Variants in AGBL2 observed in about 807,000 individuals in gnomAD.
AGBL2 encodes the protein cytosolic carboxypeptidase 2.
AGBL2 carries 87 observed loss-of-function variants against 103.0 expected under a neutral mutation model. That is an observed-to-expected ratio of 0.84 (90% CI 0.71 to 1.01). The LOEUF is 1.01. Among genes scored for constraint, AGBL2 ranks in the 50% least tolerant of loss-of-function variants. AGBL2 has a pLI of 0.00. For missense variants in AGBL2, 904 were observed against 1,023.5 expected (o/e 0.88, Z 1.59); for synonymous variants, 335 against 356.7 (o/e 0.94, Z 0.69).
intron 15 of AGBL2, among the ~76,000 whole-genome samples, chr11:47,667,948 C>A (rs2097345784): frequency 6.6e-6 from 1 of 152,182 alleles, no homozygotes; most frequent in Admixed American, 6.5e-5. Context: ...GTGGCTCATG[C>A]CTGTAATCCC....
chr11:47,669,906 C>T (rs990165195), intron 14 of AGBL2, among the ~76,000 whole-genome samples: 4 of 152,132 alleles, frequency 2.6e-5, no homozygotes, highest in Non-Finnish European at 4.4e-5. Flanking sequence ...CCACTGTACC[C>T]GGTACCCAAA....
chr11:47,683,330 G>A (rs1210061659), intron 11 of AGBL2, among the ~76,000 whole-genome samples: 2 of 151,920 alleles, frequency 1.3e-5, no homozygotes, highest in African/African-American at 4.8e-5. Flanking sequence ...CTGAGATCGT[G>A]CCACTGACTC....
At chr11:47,704,103 G>GTAAATAAA (rs562909790) in intron 7 of AGBL2, among the ~76,000 whole-genome samples, 27 of 150,834 alleles carry the variant, frequency 1.8e-4, no homozygotes, top group Admixed American at 9.9e-4. Flanking sequence ...CTCTGTCTCA[G>GTAAATAAA]TAAATAAATA....
At chr11:47,706,411 G>C (rs1208017673) in intron 4 of AGBL2, among the ~76,000 whole-genome samples, 1 of 152,174 alleles carries the variant, frequency 6.6e-6, no homozygotes, top group African/African-American at 2.4e-5. Flanking sequence ...AGCTACTCGA[G>C]AGGCTGAGGC....
In AGBL2 at chr11:47,660,072, A is replaced by G. The variant is rs931399778; in HGVS notation, c.*101T>C. On this transcript the variant is annotated 3_prime_UTR_variant, in exon 19 of 19. Transcript: ENST00000525123. ...GCATGAGTGCACAACACAGTATACC[A>G]CAAGTAAATGCAGTTCCCAGTCATA... 16 of 1,328,744 alleles carry G rather than the reference A, an allele frequency of 1.2e-5. No homozygotes were observed. The highest frequency in any genetic ancestry group is 1.2e-4 in the African/African-American group (8 of 68,234). The allele number at this position is 1,328,744 out of a possible 1,614,324, so 82.3% of individuals were successfully genotyped here. A position where few individuals can be genotyped will look rare whatever the true frequency, so the allele number is the denominator to read the frequency against.
At chr11:47,713,987 A>G (rs2097543137) in intron 3 of AGBL2, 1 of 300,910 alleles carries the variant, frequency 3.3e-6, no homozygotes, top group African/African-American at 2.1e-5. Context: ...GATAAAGACT[A>G]TTTTAATGCC....
chr11:47,685,225 G>A (rs1319452426), intron 11 of AGBL2, among the ~76,000 whole-genome samples: 1 of 151,996 alleles, frequency 6.6e-6, no homozygotes, highest in Admixed American at 6.6e-5. Flanking sequence ...AAATAAAAAA[G>A]GATACCACAT....
At chr11:47,674,327 C>T (rs540326200) in intron 14 of AGBL2, among the ~76,000 whole-genome samples, 2 of 151,892 alleles carry the variant, frequency 1.3e-5, no homozygotes, top group Non-Finnish European at 2.9e-5. Context: ...TTTGGGAGGC[C>T]GAGGTGGGCA....
chr11:47,714,716 A>G lies in AGBL2; in HGVS notation c.-66T>C, dbSNP rs2097545213. 2 of 1,483,166 alleles carry G rather than the reference A, an allele frequency of 1.3e-6. No homozygotes were observed. The highest frequency in any genetic ancestry group is 1.7e-5 in the Admixed American group (1 of 59,724). The allele number at this position is 1,483,166 out of a possible 1,614,324, so 91.9% of individuals were successfully genotyped here. A position where few individuals can be genotyped will look rare whatever the true frequency, so the allele number is the denominator to read the frequency against. The stretch of plus-strand genomic sequence containing the variant: ...TAGCATCCAGTCGCAAACCCTGCCC[A>G]ATTTCCAAATAGGCAGCTGATTACA... On this transcript the variant is annotated 5_prime_UTR_variant, in exon 2 of 19. Transcript: ENST00000525123.
At position 47,659,990 on chromosome 11, in the gene AGBL2, A is replaced by C. The variant is rs987811094; in HGVS notation, c.*183T>G. On this transcript the variant is annotated 3_prime_UTR_variant, in exon 19 of 19. Transcript: ENST00000525123. ...ATTTTATGAAAAAATAGTTGAATTCATGAGGTATGCATCTTGACCACATGC... is the reference window on the plus strand; with the variant it reads ...ATTTTATGAAAAAATAGTTGAATTCCTGAGGTATGCATCTTGACCACATGC... The C allele has an allele frequency of 1.5e-5, 7 of 482,030 alleles. No homozygotes were observed. Among genetic ancestry groups the C allele is most frequent in the African/African-American group, 1.2e-4 (6 of 50,082 alleles). 29.9% of individuals were successfully genotyped at this position (482,030 alleles called of 1,614,324 possible). A position where few individuals can be genotyped will look rare whatever the true frequency, so the allele number is the denominator to read the frequency against.
chr11:47,694,973 A>AC, intron 8 of AGBL2, among the ~76,000 whole-genome samples: 1 of 151,564 alleles, frequency 6.6e-6, no homozygotes, highest in Middle Eastern at 3.4e-3. Flanking sequence ...ACATGGTGAA[A>AC]CCCAGTGTCT....
intron 18 of AGBL2, 128 bp downstream of exon 18, chr11:47,662,898 C>A (rs6485766): frequency 1 from 789,562 of 790,504 alleles, 394,316 homozygotes; most frequent in Middle Eastern, 1. Context: ...TGTTCACCTG[C>A]GCAGAACGAA....
At chr11:47,713,778 A>G (rs1359302013) in intron 3 of AGBL2, among the ~76,000 whole-genome samples, 2 of 151,194 alleles carry the variant, frequency 1.3e-5, no homozygotes, top group Non-Finnish European at 2.9e-5. Context: ...TTTAGTAGAG[A>G]CGGGGTTTCA....
Position 47,678,343 on chromosome 11 carries a change from A to ATTATTTTTTTTTTTTTTTTTTTTTTT in AGBL2, c.2017-943_2017-942insAAAAAAAAAAAAAAAAAAAAAAATAA, listed in dbSNP as rs2097385523. Among the ~76,000 whole-genome samples the ATTATTTTTTTTTTTTTTTTTTTTTTT allele has an allele frequency of 5.4e-4, 63 of 116,802 alleles. 2 individuals carry two copies. Among genetic ancestry groups the ATTATTTTTTTTTTTTTTTTTTTTTTT allele is most frequent in the South Asian group, 2.2e-3 (6 of 2,778 alleles). 76.6% of individuals were successfully genotyped at this position (116,802 alleles called of 152,430 possible). A position where few individuals can be genotyped will look rare whatever the true frequency, so the allele number is the denominator to read the frequency against. On this transcript the variant is annotated intron_variant, in intron 13 of 18. Transcript: ENST00000525123. ...TTATTTTATTTTATTTTATTATTTT[A>ATTATTTTTTTTTTTTTTTTTTTTTTT]TTTTTTTTGAGACGGAGTCTTGCTC...
rs563969184 is a variant in AGBL2, at chr11:47,686,447, G to GTTT, written c.1632-401_1632-399dup. Among the ~76,000 whole-genome samples the GTTT allele has an allele frequency of 2.3e-3, 241 of 105,018 alleles. 1 individual carries two copies. The highest frequency in any genetic ancestry group is 2.7e-3 in the Non-Finnish European group (141 of 52,890). The allele number at this position is 105,018 out of a possible 152,430, so 68.9% of individuals were successfully genotyped here. On this transcript the variant is annotated intron_variant, in intron 10 of 18. Transcript: ENST00000525123. ...ATACACCCAGCTATTTTTGTTTCTG[G>GTTT]TTTTTTTTTTTTTTTTTTTTTTGTA...
At position 47,659,981 on chromosome 11, in the gene AGBL2, G is replaced by T; in HGVS notation, c.*192C>A. 1 of 461,368 alleles carries T rather than the reference G, an allele frequency of 2.2e-6. No homozygotes were observed. Among genetic ancestry groups the T allele is most frequent in the Non-Finnish European group, 3.6e-6 (1 of 274,886 alleles). The allele number at this position is 461,368 out of a possible 1,614,324, so 28.6% of individuals were successfully genotyped here. ...TAAAATTTCATTTTATGAAAAAATA[G>T]TTGAATTCATGAGGTATGCATCTTG... On this transcript the variant is annotated 3_prime_UTR_variant, in exon 19 of 19. Transcript: ENST00000525123.
In AGBL2 at chr11:47,660,015, C is replaced by T; in HGVS notation, c.*158G>A. 1 of 635,652 alleles carries T rather than the reference C, an allele frequency of 1.6e-6. No homozygotes were observed. Among genetic ancestry groups the T allele is most frequent in the African/African-American group, 1.9e-5 (1 of 53,136 alleles). The allele number at this position is 635,652 out of a possible 1,614,324, so 39.4% of individuals were successfully genotyped here. A position where few individuals can be genotyped will look rare whatever the true frequency, so the allele number is the denominator to read the frequency against. On this transcript the variant is annotated 3_prime_UTR_variant, in exon 19 of 19. Coordinates refer to ENST00000525123, the MANE Select transcript of AGBL2 (RefSeq NM_024783.4). ...ATGAGGTATGCATCTTGACCACATG[C>T]CCACAGTGTAAGTACAAAGTGTAAG...
intron 14 of AGBL2, among the ~76,000 whole-genome samples, chr11:47,674,143 G>A (rs1337717218): frequency 7.2e-5 from 11 of 152,036 alleles, no homozygotes; most frequent in African/African-American, 2.4e-4. Flanking sequence ...AAATGATACA[G>A]AATGACAGAG....
At chr11:47,714,500 G>C in intron 2 of AGBL2, 118 bp downstream of exon 2, 4 of 1,367,440 alleles carry the variant, frequency 2.9e-6, no homozygotes, top group Non-Finnish European at 4.2e-6. Flanking sequence ...AAGATCTCCA[G>C]CTGAGAAAAG....
Sources: allele counts gnomAD v4.1 joint callset (sites outside exome capture counted in the v4.1 genomes callset), GRCh38; gene constraint gnomAD v4.1.1; transcripts MANE v1.5; gene names NCBI Gene and HGNC (gene_info 2026-07-23, HGNC 2026-07-21).